Variants in GABRB3 observed in about 807,000 individuals in gnomAD.
GABRB3 encodes the protein gamma-aminobutyric acid type A receptor subunit beta3.
GABRB3 carries 14 observed loss-of-function variants against 52.1 expected under a neutral mutation model. That is an observed-to-expected ratio of 0.27 (90% confidence interval 0.18 to 0.42). GABRB3 has a LOEUF of 0.42. Among genes scored for constraint, GABRB3 ranks in the 10% least tolerant of loss-of-function variants. The pLI is 1.00. For missense variants in GABRB3, 307 were observed against 609.1 expected, an observed-to-expected ratio of 0.50 and a Z score of 5.22; for synonymous variants, 260 against 232.3, an observed-to-expected ratio of 1.12 and a Z score of -1.08.
chr15:26,632,490 G>C (rs1447611977), intron 3 of GABRB3, among the ~76,000 whole-genome samples: 3 of 152,210 alleles, frequency 2.0e-5, no homozygotes, highest in African/African-American at 7.2e-5. Context: ...AGTCTAAAAA[G>C]ATACTTTTCT....
chr15:26,717,368 CCAA>C (rs996633097), intron 3 of GABRB3, among the ~76,000 whole-genome samples: 113 of 152,352 alleles, frequency 7.4e-4, no homozygotes, highest in African/African-American at 2.5e-3. Flanking sequence ...TAATATCCAC[CCAA>C]CAACAGCCCA....
intron 3 of GABRB3, among the ~76,000 whole-genome samples, chr15:26,634,396 C>T (rs1200967441): frequency 6.6e-6 from 1 of 152,148 alleles, no homozygotes; most frequent in Non-Finnish European, 1.5e-5. Context: ...TCATTCTCAC[C>T]CTAACCTCCA....
At position 26,602,914 on chromosome 15, in the gene GABRB3, T is replaced by A. The variant is rs566503997; in HGVS notation, c.461+18400A>T. Among the ~76,000 whole-genome samples the A allele has an allele frequency of 3.3e-5, 5 of 151,672 alleles. No individual in the cohort carries two copies. In the South Asian group the frequency reaches 1.0e-3, roughly 32 times the overall value. ...AATAGAAGAAAAGAAATAATAAAGA[T>A]CAGAGCAGAACTAAATGAATTTGAA... On this transcript the variant is annotated intron_variant, in intron 4 of 8. Coordinates refer to ENST00000311550, the MANE Select transcript of GABRB3 (RefSeq NM_000814.6).
intron 3 of GABRB3, among the ~76,000 whole-genome samples, chr15:26,768,903 A>G (rs1891068853): frequency 6.6e-6 from 1 of 152,232 alleles, no homozygotes; most frequent in Non-Finnish European, 1.5e-5. Flanking sequence ...TGGCAAAACC[A>G]ATGCTAAATA....
At chr15:26,597,093 A>G (rs1031325196) in intron 4 of GABRB3, among the ~76,000 whole-genome samples, 1 of 152,116 alleles carries the variant, frequency 6.6e-6, no homozygotes, top group African/African-American at 2.4e-5. Flanking sequence ...GGATTAATCC[A>G]TTCATGAGGA....
intron 3 of GABRB3, among the ~76,000 whole-genome samples, chr15:26,655,525 G>A (rs972084017): frequency 6.6e-5 from 10 of 152,012 alleles, no homozygotes; most frequent in Admixed American, 1.3e-4. Flanking sequence ...GGCGGATCAC[G>A]AGGTCAGGAG....
chr15:26,705,615 C>T (rs1889074312), intron 3 of GABRB3, among the ~76,000 whole-genome samples: 1 of 152,002 alleles, frequency 6.6e-6, no homozygotes, highest in African/African-American at 2.4e-5. Context: ...ACAAAACAAA[C>T]AAACAAAAAA....
chr15:26,597,494 T>C (rs1047445959), intron 4 of GABRB3, among the ~76,000 whole-genome samples: 3 of 152,152 alleles, frequency 2.0e-5, no homozygotes, highest in Non-Finnish European at 4.4e-5. Context: ...GCCTTTCAGA[T>C]TACGAAGAAT....
At chr15:26,606,813 G>GATAGATATATTGATAT (rs1891846182) in intron 4 of GABRB3, among the ~76,000 whole-genome samples, 1 of 72,656 alleles carries the variant, frequency 1.4e-5, no homozygotes, top group Non-Finnish European at 3.2e-5. Flanking sequence ...TCTATAGATA[G>GATAGATATATTGATAT]ATAGATAGAT....
intron 3 of GABRB3, among the ~76,000 whole-genome samples, chr15:26,752,649 T>G (rs1022734079): frequency 6.6e-6 from 1 of 152,174 alleles, no homozygotes; most frequent in Non-Finnish European, 1.5e-5. Flanking sequence ...CATCAGGCCT[T>G]GATGTGTCTA....
intron 3 of GABRB3, among the ~76,000 whole-genome samples, chr15:26,743,762 C>T (rs1314443715): frequency 1.3e-5 from 2 of 152,164 alleles, no homozygotes; most frequent in East Asian, 3.9e-4. Flanking sequence ...TTTATGAACA[C>T]TTACCTTGCA....
intron 8 of GABRB3, among the ~76,000 whole-genome samples, chr15:26,559,612 T>C (rs989097363): frequency 1.3e-5 from 2 of 152,188 alleles, no homozygotes; most frequent in Non-Finnish European, 2.9e-5. Flanking sequence ...AAAAATTATA[T>C]TGGAACTATA....
In GABRB3 at chr15:26,548,011, A is replaced by G. The variant is rs185383468; in HGVS notation, c.1204T>C (p.Tyr402His). 1.2e-4 allele frequency: 194 copies of G among 1,614,172 alleles called. No individual in the cohort carries two copies. In the East Asian group the frequency reaches 2.1e-3, roughly 18 times the overall value. ...AISFDNSGIQYRKQSMPREGH... is the reference protein window; with the variant it reads ...AISFDNSGIQHRKQSMPREGH... ...TCTCGAGGCATGCTCTGTTTCCTGTACTGGATTCCTGAGTTGTCAAAGGAT... is the reference window on the plus strand; with the variant it reads ...TCTCGAGGCATGCTCTGTTTCCTGTGCTGGATTCCTGAGTTGTCAAAGGAT... Residue 402 changes from tyrosine (Y) to histidine (H), a missense_variant, in exon 9 of 9, where the codon TAC becomes CAC. Around this residue, in one of 6 missense-constraint regions of GABRB3, gnomAD observed 115 missense variants for 166.9 expected, o/e 0.69. Coordinates refer to ENST00000311550, the MANE Select transcript of GABRB3 (RefSeq NM_000814.6).
intron 4 of GABRB3, among the ~76,000 whole-genome samples, chr15:26,609,958 A>G (rs2140516174): frequency 6.6e-6 from 1 of 152,236 alleles, no homozygotes; most frequent in African/African-American, 2.4e-5. Flanking sequence ...AAAAACTTAC[A>G]TTTGTCTTAC....
At chr15:26,638,175 T>C (rs1893105387) in intron 3 of GABRB3, among the ~76,000 whole-genome samples, 1 of 152,214 alleles carries the variant, frequency 6.6e-6, no homozygotes, top group African/African-American at 2.4e-5. Flanking sequence ...ACCAGGGTTC[T>C]GAACCTGGTC....
chr15:26,551,963 G>C (rs1889485105), intron 8 of GABRB3, among the ~76,000 whole-genome samples: 1 of 151,566 alleles, frequency 6.6e-6, no homozygotes, highest in African/African-American at 2.4e-5. Context: ...AATGGAGCTT[G>C]TATCTCAAAA....
chr15:26,745,093 C>G (rs8038993), intron 3 of GABRB3, among the ~76,000 whole-genome samples: 1 of 152,070 alleles, frequency 6.6e-6, no homozygotes, highest in East Asian at 1.9e-4. Flanking sequence ...AGGTGCCACA[C>G]GCTTCATGTA....
rs572977716 is a variant in GABRB3, at chr15:26,627,585, T to A, written c.241-6051A>T. Among the ~76,000 whole-genome samples the A allele has an allele frequency of 3.3e-5, 5 of 151,834 alleles. No individual in the cohort carries two copies. The South Asian group carries it at 8.4e-4, about 25-fold the overall frequency. ...GGATTCCAGCCCTCATGGATGACTT[T>A]GAGGGGTTCAAGTCATTGCAGATGT... On this transcript the variant is annotated intron_variant, in intron 3 of 8. Coordinates refer to ENST00000311550, the MANE Select transcript of GABRB3 (RefSeq NM_000814.6).
intron 6 of GABRB3, among the ~76,000 whole-genome samples, chr15:26,572,843 A>C (rs1890457426): frequency 6.6e-6 from 1 of 152,208 alleles, no homozygotes; most frequent in Admixed American, 6.5e-5. Context: ...GTCCCTGGGC[A>C]CAAGTGCATT....
Sources: gnomAD v4.1 joint callset for allele counts (sites outside exome capture counted in the v4.1 genomes callset) on GRCh38, gnomAD v4.1.1 for gene constraint, gnomAD v4.1.1 regional missense constraint, MANE v1.5 for transcripts, NCBI Gene and HGNC (gene_info 2026-07-23, HGNC 2026-07-21) for gene names.